TRPM4: variants seen among roughly 807,000 people sequenced by gnomAD.
TRPM4 encodes the protein calcium-activated non-selective cation channel 1.
TRPM4 carries 124 observed loss-of-function variants against 135.6 expected under a neutral mutation model. The ratio of observed to expected loss-of-function variants is 0.91; its 90% confidence interval spans 0.79 to 1.06. TRPM4 has a LOEUF of 1.06. Ranked by LOEUF, TRPM4 falls within the 50% of genes least tolerant of loss-of-function variation. TRPM4 has a pLI of 0.00. For missense variants in TRPM4, 1,658 were observed against 1,671.4 expected, an observed-to-expected ratio of 0.99 and a Z score of 0.14; for synonymous variants, 745 against 705.6, an observed-to-expected ratio of 1.06 and a Z score of -0.88.
chr19:49,193,081 T>G (rs8108733), intron 16 of TRPM4, among the ~76,000 whole-genome samples: 2,033 of 106,752 alleles, frequency 0.019, 46 homozygotes, highest in African/African-American at 0.092. Flanking sequence ...AATCAGTTGG[T>G]TTTTTTTTTT....
Position 49,200,566 on chromosome 19 carries a change from A to T in TRPM4, c.2779-45A>T. 1.9e-6 allele frequency: 3 copies of T among 1,606,236 alleles called. No homozygotes were observed. The South Asian group carries it at 3.3e-5, about 18-fold the overall frequency. ...GTTTTTGGGATATAGGGGTGGGGCC[A>T]GAGTAGGAAAGGGCGGGGCCAGACT... On this transcript the variant is annotated intron_variant, in intron 18 of 24. Transcript: ENST00000252826.
chr19:49,181,321 T>C (rs1478284619), intron 9 of TRPM4, 28 bp from the exon 10 acceptor site: 2 of 1,552,292 alleles, frequency 1.3e-6, no homozygotes, highest in African/African-American at 2.7e-5. Context: ...CCCTGACTTC[T>C]TGTCCCCTCT....
In TRPM4 at chr19:49,168,104, G is replaced by T; in HGVS notation, c.448+7G>T. 1 of 1,599,696 alleles carries T rather than the reference G, an allele frequency of 6.3e-7. No homozygotes were observed. Among genetic ancestry groups the T allele is most frequent in the Non-Finnish European group, 8.5e-7 (1 of 1,175,234 alleles). On this transcript the variant is annotated splice_region_variant and intron_variant, in intron 4 of 24. Transcript: ENST00000252826. The stretch of plus-strand genomic sequence containing the variant: ...CGGGCTGCCCAGAGCACAGGTGACC[G>T]AGGGTGGGTGGGGGCTGTCTCCTGG...
Position 49,196,674 on chromosome 19 carries a change from G to C in TRPM4, c.2445G>C (p.Leu815=). 6.5e-7 allele frequency: 1 copy of C among 1,549,030 alleles called. No individual in the cohort carries two copies. The highest frequency in any genetic ancestry group is 8.7e-7 in the Non-Finnish European group (1 of 1,151,906). The change falls in exon 17 of 25, where the codon CTG becomes CTC. Residue 815 remains leucine, a synonymous_variant. Coordinates refer to ENST00000252826, the MANE Select transcript of TRPM4 (RefSeq NM_017636.4). ...FQPAPPGSLE[L]LLYFWAFTLL... is the part of the protein sequence containing the mutation. ...CGGCGCCGCCCGGCTCCCTGGAGCT[G>C]CTGCTCTATTTCTGGGCTTTCACGC... is the stretch of plus-strand genomic sequence containing the variant.
At chr19:49,188,802 C>CG (rs1968296710) in intron 13 of TRPM4, 32 bp downstream of exon 13, 2 of 1,613,206 alleles carry the variant, frequency 1.2e-6, no homozygotes, top group Non-Finnish European at 1.7e-6. Flanking sequence ...GGAGCAGGGA[C>CG]GGGGGCTGCC....
chr19:49,202,662 G>T (rs1168441743), intron 20 of TRPM4, among the ~76,000 whole-genome samples: 1 of 151,640 alleles, frequency 6.6e-6, no homozygotes, highest in East Asian at 1.9e-4. Context: ...CAAGTTCTCA[G>T]CTCACTGCAA....
At chr19:49,183,477 C>T (rs545118205) in intron 12 of TRPM4, among the ~76,000 whole-genome samples, 1 of 151,836 alleles carries the variant, frequency 6.6e-6, no homozygotes, top group South Asian at 2.1e-4. Flanking sequence ...GCTTACTGCA[C>T]CCTCAGTCTC....
At position 49,210,143 on chromosome 19, in the gene TRPM4, T is replaced by A; in HGVS notation, c.3132-66T>A. ...GACTGAACAATTATTGCCTGGCATC[T>A]AACCTTCGTCCTTGCCCCTGGCTGG... On this transcript the variant is annotated intron_variant, in intron 20 of 24. Transcript: ENST00000252826. This position sits in a 1 kb window ranked among gnomAD's most constrained non-coding sequence, Gnocchi z 4.1. 1 of 1,519,166 alleles carries A rather than the reference T, an allele frequency of 6.6e-7. No homozygotes were observed. The highest frequency in any genetic ancestry group is 1.1e-5 in the South Asian group (1 of 89,128). 94.1% of individuals were successfully genotyped at this position (1,519,166 alleles called of 1,614,324 possible). A position where few individuals can be genotyped will look rare whatever the true frequency, so the allele number is the denominator to read the frequency against.
At chr19:49,160,988 G>A (rs1477965431) in intron 2 of TRPM4, among the ~76,000 whole-genome samples, 2 of 152,036 alleles carry the variant, frequency 1.3e-5, no homozygotes, top group African/African-American at 4.8e-5. Context: ...GGGACACAGT[G>A]GGGCTGTCCC....
chr19:49,175,066 G>GTTTTTTTTTTTTTTT (rs1235125121), intron 9 of TRPM4, among the ~76,000 whole-genome samples: 1 of 108,798 alleles, frequency 9.2e-6, no homozygotes, highest in African/African-American at 5.1e-5. Flanking sequence ...ATCATGCCTG[G>GTTTTTTTTTTTTTTT]CTTTTTTTTT....
intron 19 of TRPM4, 133 bp from the exon 20 acceptor site, chr19:49,201,831 C>T (rs1684192286): frequency 2.2e-6 from 2 of 927,626 alleles, no homozygotes; most frequent in Admixed American, 3.4e-5. Flanking sequence ...AACTCCCCAC[C>T]TCAGGTGATC....
In TRPM4 at chr19:49,202,148, C is replaced by T. The variant is rs747426396; in HGVS notation, c.3131+7C>T. 3 of 1,613,938 alleles carry T rather than the reference C, an allele frequency of 1.9e-6. No individual in the cohort carries two copies. Among genetic ancestry groups the T allele is most frequent in the South Asian group, 1.1e-5 (1 of 91,080 alleles). ...TGCTCATTGCCATGTTCAGGTGAGG[C>T]CTGACTGCTCTCTGATCTGACCCCA... On this transcript the variant is annotated splice_region_variant and intron_variant, in intron 20 of 24. Transcript: ENST00000252826.
rs34115646 is a variant in TRPM4, at chr19:49,197,306, CTTTT to C, written c.2645+434_2645+437del. 6.6e-3 allele frequency among the ~76,000 whole-genome samples: 826 copies of C among 125,472 alleles called. 8 individuals are homozygous for C. The highest frequency in any genetic ancestry group is 0.023 in the African/African-American group (777 of 34,120). 82.3% of individuals were successfully genotyped at this position (125,472 alleles called of 152,430 possible). ...TTTCTTTCTTTCTTTCTCTTTCTTT[CTTTT>C]TCTTTCTTTCTTTCTTTCTTTCTTT... On this transcript the variant is annotated intron_variant, in intron 17 of 24. Coordinates refer to ENST00000252826, the MANE Select transcript of TRPM4 (RefSeq NM_017636.4).
intron 20 of TRPM4, among the ~76,000 whole-genome samples, chr19:49,203,336 C>T (rs887492510): frequency 1.3e-5 from 2 of 151,570 alleles, no homozygotes; most frequent in Non-Finnish European, 2.9e-5. Context: ...TGCGCCACCA[C>T]ACCTGGCTAA....
In TRPM4 at chr19:49,158,270, C is replaced by A. The variant is rs142317684; in HGVS notation, c.92+11C>A. 56 of 1,613,278 alleles carry A rather than the reference C, an allele frequency of 3.5e-5. No homozygotes were observed. The East Asian group carries it at 1.2e-3, about 35-fold the overall frequency. ...CTCCACAGATCCGGGGTGAGGAGTT[C>A]GCCCCTGGACTGACCCCAGAGGGTC... On this transcript the variant is annotated intron_variant, in intron 2 of 24. Transcript: ENST00000252826.
At chr19:49,167,464 TCG>T (rs1286656595) in intron 3 of TRPM4, among the ~76,000 whole-genome samples, 4 of 114,120 alleles carry the variant, frequency 3.5e-5, no homozygotes, top group African/African-American at 1.5e-4. Flanking sequence ...TGGGTCTCTG[TCG>T]CCATCTCTCT....
intron 12 of TRPM4, among the ~76,000 whole-genome samples, chr19:49,186,873 C>CA (rs552909059): frequency 0.017 from 1,889 of 113,682 alleles, 52 homozygotes; most frequent in Admixed American, 0.072. Flanking sequence ...AACTCCGTCT[C>CA]AAAAAAAAAA....
chr19:49,161,870 T>C (rs1274685454), intron 2 of TRPM4, among the ~76,000 whole-genome samples: 3 of 152,136 alleles, frequency 2.0e-5, no homozygotes, highest in Non-Finnish European at 4.4e-5. Context: ...CCTCAAGTGA[T>C]CTGCCCACCT....
intron 20 of TRPM4, among the ~76,000 whole-genome samples, chr19:49,203,608 A>T (rs1329153715): frequency 6.6e-6 from 1 of 152,164 alleles, no homozygotes. Flanking sequence ...CCCATGAAAC[A>T]GCAACTCCCC....
Sources: allele counts gnomAD v4.1 joint callset (sites outside exome capture counted in the v4.1 genomes callset), GRCh38; gene constraint gnomAD v4.1.1; non-coding constraint Gnocchi (gnomAD v3.1); transcripts MANE v1.5; gene names NCBI Gene and HGNC (gene_info 2026-07-23, HGNC 2026-07-21).